Variants in PALLD observed in about 807,000 individuals in gnomAD.
PALLD encodes palladin.
PALLD carries 61 observed loss-of-function variants against 123.5 expected under a neutral mutation model. The observed-to-expected ratio is 0.49, with a 90% confidence interval of 0.40 to 0.61. PALLD has a LOEUF of 0.61. PALLD is among the 20% of genes least tolerant of loss of function. PALLD has a pLI of 0.00. For synonymous variants in PALLD, 465 were observed against 496.4 expected (o/e 0.94, Z 0.84); for missense variants, 1,273 against 1,377.0 (o/e 0.92, Z 1.20).
At chr4:168,710,301 T>C (rs1784713068) in intron 9 of PALLD, among the ~76,000 whole-genome samples, 1 of 152,186 alleles carries the variant, frequency 6.6e-6, no homozygotes, top group South Asian at 2.1e-4. Context: ...TTCTTTTCTT[T>C]TTATTTGTCT....
At chr4:168,680,341 A>G (rs1290490694) in intron 3 of PALLD, among the ~76,000 whole-genome samples, 1 of 151,624 alleles carries the variant, frequency 6.6e-6, no homozygotes, top group Non-Finnish European at 1.5e-5. Flanking sequence ...TACAAAAATT[A>G]GCAGGGCGAG....
chr4:168,627,790 C>A (rs1269366758), intron 2 of PALLD, among the ~76,000 whole-genome samples: 1 of 152,020 alleles, frequency 6.6e-6, no homozygotes, highest in African/African-American at 2.4e-5. Context: ...GACCAAGAAC[C>A]CAATAAAATA....
intron 2 of PALLD, among the ~76,000 whole-genome samples, chr4:168,575,332 G>A (rs561369649): frequency 1.3e-5 from 2 of 152,156 alleles, no homozygotes; most frequent in East Asian, 2.0e-4. Context: ...CAATCATGGT[G>A]GAGGGGAAGC....
intron 10 of PALLD, among the ~76,000 whole-genome samples, chr4:168,886,884 C>T (rs1333318754): frequency 2.6e-5 from 4 of 151,262 alleles, no homozygotes; most frequent in South Asian, 2.1e-4. Flanking sequence ...TTTGGGAGGC[C>T]GAGGCGGGCG....
intron 15 of PALLD, among the ~76,000 whole-genome samples, chr4:168,908,724 A>C (rs1387195039): frequency 6.6e-6 from 1 of 152,166 alleles, no homozygotes; most frequent in East Asian, 1.9e-4. Flanking sequence ...AAATGAAATA[A>C]CCAAGGAAAA....
chr4:168,726,997 T>C (rs1786656227), intron 10 of PALLD, among the ~76,000 whole-genome samples: 1 of 152,220 alleles, frequency 6.6e-6, no homozygotes, highest in African/African-American at 2.4e-5. Flanking sequence ...CATCCCTGCA[T>C]TAATTTGCTT....
At chr4:168,719,261 T>TTTC (rs1166706355) in intron 10 of PALLD, among the ~76,000 whole-genome samples, 1 of 144,728 alleles carries the variant, frequency 6.9e-6, no homozygotes, top group East Asian at 2.0e-4. Flanking sequence ...TCTTTTTTTT[T>TTTC]TTTTTTTTTT....
chr4:168,670,782 A>C lies in PALLD; in HGVS notation c.1087+2414A>C, dbSNP rs1270155738. ...AAAAAAAACAAAAAAAAACAAAAAA[A>C]AAAAAACAAAAAAAACAAAAAAGCT... is the stretch of plus-strand genomic sequence containing the variant. On this transcript the variant is annotated intron_variant, in intron 3 of 21. Coordinates refer to ENST00000505667, the MANE Select transcript of PALLD (RefSeq NM_001166108.2). Among the ~76,000 whole-genome samples the C allele has an allele frequency of 4.8e-3, 692 of 145,574 alleles. 38 individuals are homozygous for C. The highest frequency in any genetic ancestry group is 0.015 in the African/African-American group (585 of 38,708).
intron 10 of PALLD, among the ~76,000 whole-genome samples, chr4:168,728,389 G>C (rs1444348194): frequency 6.6e-6 from 1 of 152,004 alleles, no homozygotes; most frequent in Non-Finnish European, 1.5e-5. Context: ...TTTCAGTAGG[G>C]TTTTATAGTT....
chr4:168,576,261 A>T (rs1488707571), intron 2 of PALLD, among the ~76,000 whole-genome samples: 1 of 150,640 alleles, frequency 6.6e-6, no homozygotes, highest in African/African-American at 2.5e-5. Context: ...TTATACTTTG[A>T]GTTTTAGGGA....
At chr4:168,625,252 A>G (rs1401410750) in intron 2 of PALLD, among the ~76,000 whole-genome samples, 1 of 152,094 alleles carries the variant, frequency 6.6e-6, no homozygotes, top group Non-Finnish European at 1.5e-5. Context: ...GTCCAGAAAT[A>G]GACTCAGCTA....
At chr4:168,664,920 G>T (rs1779486343) in intron 2 of PALLD, among the ~76,000 whole-genome samples, 1 of 152,342 alleles carries the variant, frequency 6.6e-6, no homozygotes, top group South Asian at 2.1e-4. Flanking sequence ...CAATGGCAGA[G>T]CAAAGAGGCT....
At chr4:168,637,793 A>C (rs1157403217) in intron 2 of PALLD, among the ~76,000 whole-genome samples, 2 of 152,122 alleles carry the variant, frequency 1.3e-5, no homozygotes, top group African/African-American at 4.8e-5. Context: ...AAAATACAAA[A>C]ATTAGTTGGG....
intron 2 of PALLD, among the ~76,000 whole-genome samples, chr4:168,593,963 T>A (rs1231449195): frequency 1.3e-5 from 2 of 152,240 alleles, no homozygotes; most frequent in African/African-American, 4.8e-5. Flanking sequence ...ATGAGTTTAT[T>A]GGAGGCTTAT....
At position 168,750,707 on chromosome 4, in the gene PALLD, C is replaced by T. The variant is rs575358086; in HGVS notation, c.1964+38784C>T. Among the ~76,000 whole-genome samples, 147 of 152,240 alleles carry T rather than the reference C, an allele frequency of 9.7e-4. 4 individuals carry two copies. The South Asian group carries it at 0.03, about 31-fold the overall frequency. On this transcript the variant is annotated intron_variant, in intron 10 of 21. Transcript: ENST00000505667. ...GTGAGTTTAGAAGAAAAAAGTTATTCTACTCAGCTGGGTTTGACAGAAACA... is the reference window on the plus strand; with the variant it reads ...GTGAGTTTAGAAGAAAAAAGTTATTTTACTCAGCTGGGTTTGACAGAAACA...
intron 18 of PALLD, 47 bp downstream of exon 18, chr4:168,921,788 A>G: frequency 7.1e-7 from 1 of 1,402,356 alleles, no homozygotes; most frequent in South Asian, 1.2e-5. Flanking sequence ...TGAACATCAG[A>G]CTTACAAATG....
intron 2 of PALLD, among the ~76,000 whole-genome samples, chr4:168,596,361 C>CCTTTAA (rs1771974652): frequency 1.3e-5 from 2 of 152,074 alleles, no homozygotes; most frequent in Non-Finnish European, 2.9e-5. Flanking sequence ...CTTAATGAAG[C>CCTTTAA]AGCATTTAAA....
At position 168,671,149 on chromosome 4, in the gene PALLD, A is replaced by C. The variant is rs374479390; in HGVS notation, c.1087+2781A>C. Among the ~76,000 whole-genome samples, 4 of 152,154 alleles carry C rather than the reference A, an allele frequency of 2.6e-5. No individual in the cohort carries two copies. The East Asian group carries it at 7.7e-4, about 29-fold the overall frequency. On this transcript the variant is annotated intron_variant, in intron 3 of 21. Transcript: ENST00000505667. ...ATAAGATATATATAAAATCATATAT[A>C]TACTATAAAATGAGATATTTCACTG...
chr4:168,886,651 A>G (rs971417315), intron 10 of PALLD, among the ~76,000 whole-genome samples: 2 of 152,240 alleles, frequency 1.3e-5, no homozygotes, highest in Non-Finnish European at 2.9e-5. Context: ...TATAAAAAGA[A>G]AAAACATATT....
Sources: gnomAD v4.1 joint callset for allele counts (sites outside exome capture counted in the v4.1 genomes callset) on GRCh38, gnomAD v4.1.1 for gene constraint, MANE v1.5 for transcripts, NCBI Gene and HGNC (gene_info 2026-07-23, HGNC 2026-07-21) for gene names.